Variants in DOCK4 observed in about 807,000 individuals in gnomAD.
DOCK4 encodes dedicator of cytokinesis 4, also known as dedicator of cytokinesis protein 4.
DOCK4 carries 97 observed loss-of-function variants against 268.1 expected under a neutral mutation model. The observed-to-expected ratio is 0.36, with a 90% CI of 0.31 to 0.43. The LOEUF (loss-of-function observed/expected upper bound fraction) is 0.43, where lower values mean the gene tolerates loss of function less well. DOCK4 is among the 20% of genes least tolerant of loss of function. DOCK4 has a pLI of 1.00. For synonymous variants in DOCK4, 954 were observed against 887.2 expected (o/e 1.08, Z -1.34); for missense variants, 2,145 against 2,455.7 (o/e 0.87, Z 2.67).
rs779004683 is a variant in DOCK4 at position 111,768,429 on chromosome 7, G to A, written c.3828+1100C>T. On this transcript the variant is annotated intron_variant, in intron 37 of 52. Coordinates refer to ENST00000428084, the MANE Select transcript of DOCK4 (RefSeq NM_001363540.2). ...CAACTTCCTTGCATCAAATTTTTAC[G>A]TGTACCCAATTATATTTTGTAAAAG... Among the ~76,000 whole-genome samples the A allele has an allele frequency of 9.9e-5, 15 of 152,242 alleles. No homozygotes were observed. In the East Asian group the frequency reaches 1.9e-3, roughly 20 times the overall value.
At chr7:111,972,310 G>T (rs898763001) in intron 8 of DOCK4, among the ~76,000 whole-genome samples, 1 of 151,740 alleles carries the variant, frequency 6.6e-6, no homozygotes, top group Non-Finnish European at 1.5e-5. Flanking sequence ...AGAGCACGGG[G>T]TCTGCAGCTC....
chr7:111,772,102 G>A (rs1013503254), intron 36 of DOCK4, among the ~76,000 whole-genome samples: 5 of 152,218 alleles, frequency 3.3e-5, no homozygotes, highest in African/African-American at 1.2e-4. Flanking sequence ...GGGGTAAGAG[G>A]AATGGGGAGT....
chr7:111,903,323 A>G (rs1791297355), intron 13 of DOCK4, among the ~76,000 whole-genome samples: 1 of 152,222 alleles, frequency 6.6e-6, no homozygotes, highest in African/African-American at 2.4e-5. Flanking sequence ...ACCCTTTACA[A>G]AGAGTCTATA....
At chr7:111,891,189 G>GAAA (rs11396137) in intron 16 of DOCK4, among the ~76,000 whole-genome samples, 2,216 of 150,320 alleles carry the variant, frequency 0.015, 56 homozygotes, top group African/African-American at 0.051. Context: ...TGGTCAAAAT[G>GAAA]AAAAAAAAAT....
At chr7:111,961,749 T>C (rs1796915255) in intron 8 of DOCK4, among the ~76,000 whole-genome samples, 1 of 152,228 alleles carries the variant, frequency 6.6e-6, no homozygotes, top group Non-Finnish European at 1.5e-5. Context: ...TCTTAAGTTT[T>C]GTCAAGTACA....
At chr7:111,800,675 T>C (rs546144134) in intron 30 of DOCK4, among the ~76,000 whole-genome samples, 1 of 152,168 alleles carries the variant, frequency 6.6e-6, no homozygotes, top group Non-Finnish European at 1.5e-5. Context: ...GTAAAATTTA[T>C]CTTTTTTCGC....
At chr7:111,742,566 T>C (rs1229588824) in intron 44 of DOCK4, among the ~76,000 whole-genome samples, 2 of 152,100 alleles carry the variant, frequency 1.3e-5, no homozygotes, top group Non-Finnish European at 2.9e-5. Flanking sequence ...TCCCCCCACA[T>C]TTCCCTCTCC....
At chr7:112,120,097 T>A (rs2115877639) in intron 1 of DOCK4, among the ~76,000 whole-genome samples, 1 of 152,304 alleles carries the variant, frequency 6.6e-6, no homozygotes, top group African/African-American at 2.4e-5. Flanking sequence ...TCCGCCCGCC[T>A]CGGCCTCCCA....
intron 1 of DOCK4, among the ~76,000 whole-genome samples, chr7:112,105,561 A>T (rs1195587687): frequency 3.0e-5 from 3 of 101,374 alleles, no homozygotes; most frequent in Non-Finnish European, 5.6e-5. Flanking sequence ...AACTAAAGAC[A>T]ACAAATCTAA....
At chr7:111,933,130 G>A (rs547738780) in intron 12 of DOCK4, among the ~76,000 whole-genome samples, 7 of 114,008 alleles carry the variant, frequency 6.1e-5, no homozygotes, top group African/African-American at 1.5e-4. Context: ...ATATATATAC[G>A]TATATACACA....
chr7:111,764,117 G>T (rs1316733681), intron 39 of DOCK4, among the ~76,000 whole-genome samples: 2 of 152,174 alleles, frequency 1.3e-5, no homozygotes, highest in African/African-American at 4.8e-5. Flanking sequence ...TTCACATTAT[G>T]TCTGTGTAGC....
chr7:112,123,434 T>C (rs1225298224), intron 1 of DOCK4, among the ~76,000 whole-genome samples: 1 of 152,134 alleles, frequency 6.6e-6, no homozygotes, highest in Non-Finnish European at 1.5e-5. Flanking sequence ...AAAAGTAACA[T>C]GAAAATTCAT....
At chr7:111,938,209 T>A (rs1794896412) in intron 11 of DOCK4, among the ~76,000 whole-genome samples, 1 of 152,210 alleles carries the variant, frequency 6.6e-6, no homozygotes, top group Non-Finnish European at 1.5e-5. Context: ...GAGTTACCGG[T>A]CCTAAACCAC....
At chr7:111,933,560 G>T (rs1267540231) in intron 12 of DOCK4, among the ~76,000 whole-genome samples, 9 of 151,946 alleles carry the variant, frequency 5.9e-5, no homozygotes. Flanking sequence ...CTCCCAAAGT[G>T]CTGTGATTAC....
chr7:111,857,885 AG>A (rs1404540745), intron 23 of DOCK4, among the ~76,000 whole-genome samples: 1 of 152,230 alleles, frequency 6.6e-6, no homozygotes, highest in Non-Finnish European at 1.5e-5. Flanking sequence ...TTCAGCAAAT[AG>A]GAAGAATAAA....
At chr7:112,146,303 G>T (rs1017301598) in intron 1 of DOCK4, among the ~76,000 whole-genome samples, 3 of 152,192 alleles carry the variant, frequency 2.0e-5, no homozygotes, top group Admixed American at 1.3e-4. Flanking sequence ...CATCCTAGAA[G>T]AGGCTTTCCA....
chr7:111,951,179 T>A (rs1225257305), intron 8 of DOCK4, among the ~76,000 whole-genome samples: 1 of 152,216 alleles, frequency 6.6e-6, no homozygotes, highest in Non-Finnish European at 1.5e-5. Context: ...CAACAATGAT[T>A]TGATGAAATC....
intron 1 of DOCK4, among the ~76,000 whole-genome samples, chr7:112,142,973 T>G (rs1815076595): frequency 6.6e-6 from 1 of 152,154 alleles, no homozygotes; most frequent in Non-Finnish European, 1.5e-5. Flanking sequence ...TACATGTGTC[T>G]TTTTATGAAT....
At chr7:111,748,762 G>C (rs183346255) in intron 42 of DOCK4, among the ~76,000 whole-genome samples, 7 of 152,138 alleles carry the variant, frequency 4.6e-5, no homozygotes, top group South Asian at 4.1e-4. Flanking sequence ...AGGAAAAGTG[G>C]GGTAGGAGGT....
Sources: allele counts gnomAD v4.1 joint callset (sites outside exome capture counted in the v4.1 genomes callset), GRCh38; gene constraint gnomAD v4.1.1; transcripts MANE v1.5; gene names NCBI Gene and HGNC (gene_info 2026-07-23, HGNC 2026-07-21).